CD247: variants seen among roughly 807,000 people sequenced by gnomAD.
The protein encoded by CD247 is CD247 molecule.
A neutral mutation model predicts 30.0 loss-of-function variants in CD247; 13 were observed. That is an observed-to-expected ratio of 0.43 (90% CI 0.28 to 0.69). CD247 has a LOEUF of 0.69. CD247 is among the 30% of genes least tolerant of loss of function. The pLI is 0.16. For synonymous variants in CD247, 72 were observed against 80.0 expected (o/e 0.90, Z 0.53); for missense variants, 193 against 212.6 (o/e 0.91, Z 0.57).
intron 1 of CD247, among the ~76,000 whole-genome samples, chr1:167,507,388 C>A (rs1472616098): frequency 6.6e-6 from 1 of 152,016 alleles, no homozygotes; most frequent in Admixed American, 6.6e-5. Flanking sequence ...TAGAGAGGAC[C>A]CAGCAACTCA....
intron 1 of CD247, among the ~76,000 whole-genome samples, chr1:167,464,466 C>G (rs947776469): frequency 1.3e-5 from 2 of 152,120 alleles, no homozygotes; most frequent in African/African-American, 4.8e-5. Context: ...GGGGTTGCTT[C>G]CTCCAAGAAC....
intron 1 of CD247, among the ~76,000 whole-genome samples, chr1:167,444,671 G>C (rs536033140): frequency 9.3e-4 from 141 of 152,296 alleles, no homozygotes; most frequent in African/African-American, 3.2e-3. Flanking sequence ...AATGGATTGA[G>C]ATTCAGACCT....
intron 1 of CD247, among the ~76,000 whole-genome samples, chr1:167,489,925 G>C (rs1157523887): frequency 6.6e-6 from 1 of 152,076 alleles, no homozygotes; most frequent in African/African-American, 2.4e-5. Context: ...CTGTGCCCGC[G>C]CCGAGGTTTC....
intron 1 of CD247, among the ~76,000 whole-genome samples, chr1:167,485,232 T>C (rs1398769731): frequency 2.6e-5 from 4 of 152,180 alleles, no homozygotes; most frequent in African/African-American, 4.8e-5. Context: ...AAAGGGAGCT[T>C]GCAGGGAGAG....
chr1:167,497,576 G>C (rs1326332060), intron 1 of CD247, among the ~76,000 whole-genome samples: 1 of 152,144 alleles, frequency 6.6e-6, no homozygotes, highest in African/African-American at 2.4e-5. Context: ...AGAAAGTAAA[G>C]GTTGTAAATG....
intron 1 of CD247, among the ~76,000 whole-genome samples, chr1:167,458,251 C>T (rs542052445): frequency 1.1e-4 from 17 of 152,388 alleles, no homozygotes; most frequent in African/African-American, 3.6e-4. Flanking sequence ...CATTCCCAAA[C>T]ATGCTCTTCA....
intron 7 of CD247, 66 bp downstream of exon 7, chr1:167,432,958 G>A: frequency 6.4e-7 from 1 of 1,565,780 alleles, no homozygotes; most frequent in Non-Finnish European, 8.8e-7. Flanking sequence ...GCAAAATGTG[G>A]GGGCCTTGAT....
At chr1:167,501,045 C>T (rs1306922516) in intron 1 of CD247, among the ~76,000 whole-genome samples, 4 of 149,114 alleles carry the variant, frequency 2.7e-5, no homozygotes, top group Non-Finnish European at 5.9e-5. Context: ...ACTTCTGATC[C>T]TATTGTTCTT....
At chr1:167,456,007 C>T (rs1468530633) in intron 1 of CD247, among the ~76,000 whole-genome samples, 2 of 151,762 alleles carry the variant, frequency 1.3e-5, no homozygotes, top group Non-Finnish European at 2.9e-5. Context: ...GCCTTCCCAC[C>T]CCCCGCCCCC....
intron 1 of CD247, among the ~76,000 whole-genome samples, chr1:167,515,924 CT>C (rs1209332059): frequency 5.9e-5 from 9 of 152,242 alleles, no homozygotes; most frequent in African/African-American, 2.2e-4. Flanking sequence ...CATTACATTA[CT>C]TCTCATTGTC....
intron 1 of CD247, among the ~76,000 whole-genome samples, chr1:167,476,491 A>G (rs1464540663): frequency 1.3e-5 from 2 of 152,182 alleles, no homozygotes; most frequent in African/African-American, 4.8e-5. Flanking sequence ...AATATATAGG[A>G]TTCTTCTCTG....
intron 1 of CD247, among the ~76,000 whole-genome samples, chr1:167,453,039 A>ATATATATATTATAGATATATATTT (rs1342856917): frequency 1.4e-5 from 2 of 147,942 alleles, no homozygotes; most frequent in Non-Finnish European, 3.0e-5. Flanking sequence ...TATATATTAT[A>ATATATATATTATAGATATATATTT]TATATATATA....
chr1:167,454,275 G>T (rs916952501), intron 1 of CD247, among the ~76,000 whole-genome samples: 3 of 152,216 alleles, frequency 2.0e-5, no homozygotes, highest in African/African-American at 7.2e-5. Flanking sequence ...GGTTACTTCT[G>T]CAGAGGAGCC....
rs915224385 is a variant in CD247 at position 167,494,714 on chromosome 1, T to C, written c.58+23694A>G. On this transcript the variant is annotated intron_variant, in intron 1 of 7. Coordinates refer to ENST00000362089, the MANE Select transcript of CD247 (RefSeq NM_198053.3). The surrounding 1 kb of genome is among the most constrained non-coding windows in gnomAD (Gnocchi z 7.3). ...ATCATGAGTAGTGCATTCCTCGGCATTTTGTATCTCCTATAATTCCTGGAT... is the reference window on the plus strand; with the variant it reads ...ATCATGAGTAGTGCATTCCTCGGCACTTTGTATCTCCTATAATTCCTGGAT... 5.3e-5 allele frequency among the ~76,000 whole-genome samples: 8 copies of C among 152,234 alleles called. No homozygotes were observed. The highest frequency in any genetic ancestry group is 8.8e-5 in the Non-Finnish European group (6 of 68,046).
chr1:167,475,385 A>G (rs960238734), intron 1 of CD247, among the ~76,000 whole-genome samples: 7 of 152,232 alleles, frequency 4.6e-5, no homozygotes, highest in Non-Finnish European at 8.8e-5. Context: ...ATAATAAATC[A>G]TTATAAATAA....
rs1653129254 is a variant in CD247 at position 167,463,875 on chromosome 1, T to C, written c.59-23108A>G. 1.3e-5 allele frequency among the ~76,000 whole-genome samples: 2 copies of C among 152,232 alleles called. 1 individual carries two copies. Among genetic ancestry groups the C allele is most frequent in the South Asian group, 4.1e-4 (2 of 4,830 alleles). On this transcript the variant is annotated intron_variant, in intron 1 of 7. Coordinates refer to ENST00000362089, the MANE Select transcript of CD247 (RefSeq NM_198053.3). ...CCGTGTCCTACGAATTTACAGGGGA[T>C]GGTCAGAGAAATGGTGACAAAGAAA...
intron 1 of CD247, among the ~76,000 whole-genome samples, chr1:167,479,434 G>T (rs1653879574): frequency 6.6e-6 from 1 of 152,186 alleles, no homozygotes; most frequent in African/African-American, 2.4e-5. Flanking sequence ...TGCTGATCTA[G>T]TTTCCCCGAC....
At chr1:167,478,247 C>T (rs573113812) in intron 1 of CD247, among the ~76,000 whole-genome samples, 1 of 152,336 alleles carries the variant, frequency 6.6e-6, no homozygotes, top group South Asian at 2.1e-4. Flanking sequence ...AGGCTGACCC[C>T]AGACTTCCTT....
intron 1 of CD247, among the ~76,000 whole-genome samples, chr1:167,471,131 A>T (rs1408419176): frequency 6.6e-6 from 1 of 152,134 alleles, no homozygotes; most frequent in African/African-American, 2.4e-5. Flanking sequence ...TCGGCTTCCC[A>T]AAGTGCTGGG....
Sources: gnomAD v4.1 joint callset for allele counts (sites outside exome capture counted in the v4.1 genomes callset) on GRCh38, gnomAD v4.1.1 for gene constraint, Gnocchi (gnomAD v3.1) non-coding constraint, MANE v1.5 for transcripts, NCBI Gene and HGNC (gene_info 2026-07-23, HGNC 2026-07-21) for gene names.